The following TMEM178B variants were observed in gnomAD, a reference collection of about 807,000 sequenced individuals.
TMEM178B encodes transmembrane protein 178B.
A neutral mutation model predicts 31.0 loss-of-function variants in TMEM178B; 5 were observed. The observed-to-expected ratio is 0.16, with a 90% CI of 0.08 to 0.34. The LOEUF (loss-of-function observed/expected upper bound fraction) is 0.34. TMEM178B is among the 10% of genes least tolerant of loss of function. The pLI is 1.00. For missense variants in TMEM178B, 275 were observed against 400.3 expected, an observed-to-expected ratio of 0.69 and a Z score of 2.67; for synonymous variants, 164 against 164.0, an observed-to-expected ratio of 1.00 and a Z score of 0.00.
At chr7:141,101,000 A>G (rs1282742276) in intron 1 of TMEM178B, among the ~76,000 whole-genome samples, 1 of 152,198 alleles carries the variant, frequency 6.6e-6, no homozygotes, top group East Asian at 1.9e-4. Context: ...ATAGATACAC[A>G]TATTTTGACT....
At position 141,178,467 on chromosome 7, in the gene TMEM178B, A is replaced by G. The variant is rs546813671; in HGVS notation, c.383-34124A>G. Among the ~76,000 whole-genome samples, 14 of 152,326 alleles carry G rather than the reference A, an allele frequency of 9.2e-5. No homozygotes were observed. The South Asian group carries it at 2.9e-3, about 32-fold the overall frequency. On this transcript the variant is annotated intron_variant, in intron 1 of 3. Transcript: ENST00000565468. The stretch of plus-strand genomic sequence containing the variant: ...TCATTGACATATGAGCTGGACCACA[A>G]AGTTTAAATGTCCAGATTACTTACG...
chr7:141,083,638 C>T (rs1286130090), intron 1 of TMEM178B, among the ~76,000 whole-genome samples: 1 of 152,168 alleles, frequency 6.6e-6, no homozygotes, highest in Non-Finnish European at 1.5e-5. Context: ...CGAACTTTTC[C>T]TCTTTCAAAT....
chr7:141,438,108 C>T (rs945780963), intron 3 of TMEM178B, among the ~76,000 whole-genome samples: 2 of 152,130 alleles, frequency 1.3e-5, no homozygotes, highest in African/African-American at 4.8e-5. Context: ...TATGCAGGCC[C>T]TGGGCATTAG....
intron 1 of TMEM178B, among the ~76,000 whole-genome samples, chr7:141,102,755 G>C (rs893260206): frequency 6.6e-6 from 1 of 152,178 alleles, no homozygotes; most frequent in Non-Finnish European, 1.5e-5. Context: ...CTGTGGCTAG[G>C]TTAATTATAA....
At position 141,479,165 on chromosome 7, in the gene TMEM178B, AT is replaced by A. The variant is rs1802430357; in HGVS notation, c.*8380del. ...CTACTGCCTCCCACCCCTTAACCTG[AT>A]CCCCTTATCATATAGTGGGGAAGGG... is the stretch of plus-strand genomic sequence containing the variant. On this transcript the variant is annotated 3_prime_UTR_variant, in exon 4 of 4. Coordinates refer to ENST00000565468, the MANE Select transcript of TMEM178B (RefSeq NM_001195278.2). The A allele has an allele frequency of 6.6e-6, 1 of 152,204 alleles. No individual in the cohort carries two copies. 9.4% of individuals were successfully genotyped at this position (152,204 alleles called of 1,614,324 possible).
intron 2 of TMEM178B, among the ~76,000 whole-genome samples, chr7:141,296,073 ACTT>A (rs1229605144): frequency 6.6e-6 from 1 of 150,918 alleles, no homozygotes; most frequent in Non-Finnish European, 1.5e-5. Flanking sequence ...GGGAAGCAGT[ACTT>A]TTTTTTTTTT....
chr7:141,187,784 G>A (rs1444366717), intron 1 of TMEM178B, among the ~76,000 whole-genome samples: 1 of 152,030 alleles, frequency 6.6e-6, no homozygotes, highest in African/African-American at 2.4e-5. Context: ...CTTTTTGATG[G>A]GGTTGTTTGT....
At chr7:141,481,686 A>G (rs73518625), downstream of TMEM178B, among the ~76,000 whole-genome samples, 14,579 of 152,156 alleles carry the variant, frequency 0.096, 2,010 homozygotes, top group African/African-American at 0.31. Flanking sequence ...AGGGCAGGTG[A>G]CTTATAGAAT....
intron 1 of TMEM178B, among the ~76,000 whole-genome samples, chr7:141,075,219 G>A (rs1354877546): frequency 6.6e-6 from 1 of 152,122 alleles, no homozygotes; most frequent in Non-Finnish European, 1.5e-5. Flanking sequence ...CACAGCCCCT[G>A]TCCTGTAAGC....
intron 2 of TMEM178B, among the ~76,000 whole-genome samples, chr7:141,308,609 G>A (rs554403479): frequency 3.9e-5 from 6 of 152,188 alleles, no homozygotes; most frequent in Non-Finnish European, 8.8e-5. Flanking sequence ...ACAGATACAT[G>A]TGGGGCTGCT....
intron 1 of TMEM178B, among the ~76,000 whole-genome samples, chr7:141,188,188 G>A (rs1258283899): frequency 7.2e-5 from 11 of 152,116 alleles, no homozygotes; most frequent in Non-Finnish European, 1.5e-5. Context: ...CCTGTGTTGT[G>A]TGTAATGGCT....
At chr7:141,266,869 A>G (rs1235417790) in intron 2 of TMEM178B, among the ~76,000 whole-genome samples, 2 of 152,152 alleles carry the variant, frequency 1.3e-5, no homozygotes, top group Non-Finnish European at 2.9e-5. Flanking sequence ...GTTAGGGAGC[A>G]TTTTTCAATG....
intron 1 of TMEM178B, among the ~76,000 whole-genome samples, chr7:141,112,186 A>G (rs1254987470): frequency 6.6e-6 from 1 of 152,206 alleles, no homozygotes; most frequent in Non-Finnish European, 1.5e-5. Context: ...TATTCACCTC[A>G]AAGTGGTTTA....
At chr7:141,394,905 T>C (rs1800610110) in intron 2 of TMEM178B, among the ~76,000 whole-genome samples, 1 of 152,212 alleles carries the variant, frequency 6.6e-6, no homozygotes, top group Non-Finnish European at 1.5e-5. Flanking sequence ...CAAGCCTGCT[T>C]TAAAGTTCTT....
intron 1 of TMEM178B, among the ~76,000 whole-genome samples, chr7:141,104,805 C>G (rs572033877): frequency 6.6e-6 from 1 of 152,266 alleles, no homozygotes; most frequent in South Asian, 2.1e-4. Context: ...TTCATCTCCT[C>G]TTATAAGGAC....
At position 141,074,754 on chromosome 7, in the gene TMEM178B, C is replaced by A; in HGVS notation, c.382+62C>A. On this transcript the variant is annotated intron_variant, in intron 1 of 3. Coordinates refer to ENST00000565468, the MANE Select transcript of TMEM178B (RefSeq NM_001195278.2). The surrounding 1 kb of genome is among the most constrained non-coding windows in gnomAD (Gnocchi z 5.1). ...CCCGGCGCCTTTAGGCCCCGCAGCC[C>A]CTCGCGTCTCCTTCCCAGGCCACAG... 7.0e-7 allele frequency: 1 copy of A among 1,435,742 alleles called. No homozygotes were observed. Among genetic ancestry groups the A allele is most frequent in the South Asian group, 1.5e-5 (1 of 67,762 alleles). The allele number at this position is 1,435,742 out of a possible 1,614,324, so 88.9% of individuals were successfully genotyped here.
chr7:141,465,231 C>A (rs1168500325), intron 3 of TMEM178B, among the ~76,000 whole-genome samples: 1 of 152,166 alleles, frequency 6.6e-6, no homozygotes, highest in Admixed American at 6.5e-5. Flanking sequence ...AGTAGCTCTC[C>A]CCAGGCTTGT....
the TMEM178B span, among the ~76,000 whole-genome samples, chr7:141,498,413 C>T: frequency 6.6e-6 from 1 of 152,214 alleles, no homozygotes; most frequent in African/African-American, 2.4e-5. Context: ...GCATGTTTGA[C>T]CTGGAAGGTC....
At chr7:141,307,763 A>G (rs552784528) in intron 2 of TMEM178B, among the ~76,000 whole-genome samples, 4 of 152,346 alleles carry the variant, frequency 2.6e-5, no homozygotes, top group African/African-American at 9.6e-5. Context: ...TGTTCAGTAC[A>G]TGTTGATGGT....
Sources: gnomAD v4.1 joint callset for allele counts (sites outside exome capture counted in the v4.1 genomes callset) on GRCh38, gnomAD v4.1.1 for gene constraint, Gnocchi (gnomAD v3.1) non-coding constraint, MANE v1.5 for transcripts, NCBI Gene and HGNC (gene_info 2026-07-23, HGNC 2026-07-21) for gene names.